The following POLQ variants were observed in gnomAD, a reference collection of about 807,000 sequenced individuals.
The protein encoded by POLQ is epididymis secretory sperm binding protein.
In POLQ, 233 loss-of-function variants were observed where a neutral mutation model predicts 259.2. That is an observed-to-expected ratio of 0.90 (90% CI 0.81 to 1.00). The LOEUF (loss-of-function observed/expected upper bound fraction) is 1.00, where lower values mean the gene tolerates loss of function less well. Ranked by LOEUF, POLQ falls within the 50% of genes least tolerant of loss-of-function variation. The pLI, the probability that POLQ is intolerant of heterozygous loss-of-function variation, is 0.00. For synonymous variants in POLQ, 1,025 were observed against 1,048.8 expected, an observed-to-expected ratio of 0.98 and a Z score of 0.44; for missense variants, 2,871 against 3,051.6, an observed-to-expected ratio of 0.94 and a Z score of 1.39.
Position 121,541,342 on chromosome 3 carries a change from A to AG in POLQ, c.474+6_474+7insC. 6 of 1,581,502 alleles carry AG rather than the reference A, an allele frequency of 3.8e-6. No homozygotes were observed. The highest frequency in any genetic ancestry group is 5.1e-6 in the Non-Finnish European group (6 of 1,166,688). On this transcript the variant is annotated splice_region_variant and intron_variant, in intron 3 of 29. Coordinates refer to ENST00000264233, the MANE Select transcript of POLQ (RefSeq NM_199420.4). ...TTCACTATTTCAAACTTAGTAAAAA[A>AG]CATTACCTGGAGGTAGTATTTCTTC...
intron 25 of POLQ, among the ~76,000 whole-genome samples, chr3:121,450,906 C>T (rs1163713653): frequency 6.6e-6 from 1 of 152,138 alleles, no homozygotes; most frequent in Non-Finnish European, 1.5e-5. Flanking sequence ...TTCCATTCTC[C>T]CGGTCACTTT....
intron 17 of POLQ, among the ~76,000 whole-genome samples, chr3:121,483,865 C>T (rs2047989818): frequency 6.6e-6 from 1 of 151,960 alleles, no homozygotes; most frequent in Non-Finnish European, 1.5e-5. Flanking sequence ...AACAAAATTA[C>T]ATTTCCCAAA....
intron 24 of POLQ, among the ~76,000 whole-genome samples, chr3:121,467,276 A>G (rs2047845894): frequency 6.6e-6 from 1 of 152,184 alleles, no homozygotes; most frequent in African/African-American, 2.4e-5. Context: ...GACGTTAGAA[A>G]ACATGGTTTC....
chr3:121,493,410 T>C (rs193238596), intron 15 of POLQ, 68 bp downstream of exon 15: 4 of 1,163,192 alleles, frequency 3.4e-6, no homozygotes, highest in African/African-American at 1.6e-5. Flanking sequence ...TAATACATTA[T>C]CTATTATTTT....
In POLQ at chr3:121,460,226, T is replaced by C. The variant is rs1405780437; in HGVS notation, c.6976A>G (p.Ile2326Val). 1.9e-6 allele frequency: 3 copies of C among 1,611,078 alleles called. No individual in the cohort carries two copies. The highest frequency in any genetic ancestry group is 2.2e-5 in the East Asian group (1 of 44,860). The change falls in exon 25 of 30, where the codon ATA (isoleucine) becomes GTA (valine). Residue 2326 changes from isoleucine (I) to valine (V), a missense_variant. Ile to Val is a conservative substitution (Grantham distance 29, BLOSUM62 3). Coordinates refer to ENST00000264233, the MANE Select transcript of POLQ (RefSeq NM_199420.4). ...AGCTGAGAGTAGTCAGCAGCCAGTATTGAACCACCTGAAGTAGAAGTGATT... is the reference window on the plus strand; with the variant it reads ...AGCTGAGAGTAGTCAGCAGCCAGTACTGAACCACCTGAAGTAGAAGTGATT... Reference protein sequence around the residue: ...HAFVPFPGGSILAADYSQLEL... With the variant: ...HAFVPFPGGSVLAADYSQLEL...
intron 19 of POLQ, among the ~76,000 whole-genome samples, chr3:121,479,350 A>C (rs79822035): frequency 8.5e-6 from 1 of 117,840 alleles, no homozygotes; most frequent in African/African-American, 3.5e-5. Flanking sequence ...TCATCTCTAC[A>C]AAAAAAAAAA....
chr3:121,467,970 TTGCAGTA>T (rs2047852427), intron 23 of POLQ, among the ~76,000 whole-genome samples: 1 of 151,942 alleles, frequency 6.6e-6, no homozygotes, highest in African/African-American at 2.4e-5. Flanking sequence ...GAGGTGGAGG[TTGCAGTA>T]AGCTGAGATC....
rs4676723 is a variant in POLQ at position 121,496,982 on chromosome 3, G to A, written c.2154-50C>T. ...GGTAAGAGATCCTTCACGTCTACTA[G>A]GCGATACAGTGTGTTGAAAAATGAC... On this transcript the variant is annotated intron_variant, in intron 13 of 29. Coordinates refer to ENST00000264233, the MANE Select transcript of POLQ (RefSeq NM_199420.4). 3 of 1,592,888 alleles carry A rather than the reference G, an allele frequency of 1.9e-6. No individual in the cohort carries two copies. In the East Asian group the frequency reaches 6.7e-5, roughly 36 times the overall value.
At chr3:121,496,729 G>A (rs1234050934) in intron 14 of POLQ, 79 bp downstream of exon 14, 34 of 1,420,858 alleles carry the variant, frequency 2.4e-5, no homozygotes, top group Non-Finnish European at 3.1e-5. Context: ...CAATAAAATG[G>A]AATTTGAAAA....
At chr3:121,494,437 G>T (rs569580087) in intron 14 of POLQ, 4 of 1,536,492 alleles carry the variant, frequency 2.6e-6, no homozygotes, top group Admixed American at 1.7e-5. Context: ...GGCAAGAGAA[G>T]AAGCAGAGGC....
intron 27 of POLQ, among the ~76,000 whole-genome samples, chr3:121,439,778 G>A (rs1255588359): frequency 6.6e-6 from 1 of 152,214 alleles, no homozygotes; most frequent in Non-Finnish European, 1.5e-5. Flanking sequence ...GTAAACACAT[G>A]TTTACATTAA....
intron 6 of POLQ, 148 bp from the exon 7 acceptor site, chr3:121,529,940 GA>G (rs1389199080): frequency 1.3e-5 from 7 of 553,302 alleles, no homozygotes; most frequent in Non-Finnish European, 2.1e-5. Context: ...CAAAAGAAAG[GA>G]AAAAAAGAAG....
rs113081034 is a variant in POLQ, at chr3:121,527,341, T to G, written c.1108+2304A>C. Among the ~76,000 whole-genome samples the G allele has an allele frequency of 1.4e-3, 208 of 152,262 alleles. 3 individuals carry two copies. The highest frequency in any genetic ancestry group is 2.3e-3 in the Admixed American group (35 of 15,292). On this transcript the variant is annotated intron_variant, in intron 7 of 29. Coordinates refer to ENST00000264233, the MANE Select transcript of POLQ (RefSeq NM_199420.4). ...CCTCCCAAAGTGCTGGGATTACAGG[T>G]GTGAACCACCATGCCCGGCCTAATT...
chr3:121,536,537 A>C (rs1023308172), intron 5 of POLQ, among the ~76,000 whole-genome samples: 1 of 152,192 alleles, frequency 6.6e-6, no homozygotes, highest in Non-Finnish European at 1.5e-5. Context: ...CAAATACAGA[A>C]ACTAGATTTT....
chr3:121,450,448 C>T (rs1466344420), intron 25 of POLQ, among the ~76,000 whole-genome samples: 1 of 151,464 alleles, frequency 6.6e-6, no homozygotes. Flanking sequence ...TATACATGTG[C>T]CATGTTGGTG....
intron 13 of POLQ, among the ~76,000 whole-genome samples, chr3:121,497,537 A>C (rs2048134502): frequency 6.6e-6 from 1 of 152,160 alleles, no homozygotes; most frequent in Non-Finnish European, 1.5e-5. Context: ...CCTGGGTTCA[A>C]GCAATTCCCC....
chr3:121,519,359 G>GATATATATATATAT (rs58512042), intron 9 of POLQ, among the ~76,000 whole-genome samples: 43 of 136,692 alleles, frequency 3.1e-4, no homozygotes, highest in African/African-American at 8.3e-4. Flanking sequence ...AACAGTTGAT[G>GATATATATATATAT]ATATATATAT....
Position 121,511,920 on chromosome 3 carries a change from T to G in POLQ, c.1578A>C (p.Glu526Asp). 1 of 1,613,942 alleles carries G rather than the reference T, an allele frequency of 6.2e-7. No homozygotes were observed. Among genetic ancestry groups the G allele is most frequent in the Non-Finnish European group, 8.5e-7 (1 of 1,179,862 alleles). The change falls in exon 10 of 30, where the codon GAA becomes GAC. Residue 526 changes from glutamate to aspartate, a missense_variant. Physicochemically the swap from Glu to Asp is conservative, Grantham distance 45. This residue lies in a region of POLQ where 783 missense variants were observed against 906.2 expected (regional missense o/e 0.86). Transcript: ENST00000264233. ...RSCLQRREGE[E>D]VTGSMIRAIL... Reference sequence around the variant, plus strand: ...TAGCTCGTATCATGCTGCCAGTTACTTCTTCTCCTTCTCGTCTTTGCAGAC... The same window carrying G: ...TAGCTCGTATCATGCTGCCAGTTACGTCTTCTCCTTCTCGTCTTTGCAGAC...
At position 121,476,618 on chromosome 3, in the gene POLQ, C is replaced by T; in HGVS notation, c.6327G>A (p.Lys2109=). ...AGGCCTGGGTCTCAATTGCATCCAG[C>T]TTGGCTTGCATTATATGTTTCTGAC... The part of the protein sequence containing the change: ...CESQKHIMQA[K]LDAIETQAYQ... Residue 2109 remains lysine, a synonymous_variant, in exon 20 of 30, where the codon AAG becomes AAA. Transcript: ENST00000264233. The T allele has an allele frequency of 6.2e-7, 1 of 1,613,988 alleles. No homozygotes were observed. The highest frequency in any genetic ancestry group is 8.5e-7 in the Non-Finnish European group (1 of 1,179,894).
Sources: allele counts gnomAD v4.1 joint callset (sites outside exome capture counted in the v4.1 genomes callset), GRCh38; gene constraint gnomAD v4.1.1; regional missense constraint gnomAD v4.1.1; transcripts MANE v1.5; gene names NCBI Gene and HGNC (gene_info 2026-07-23, HGNC 2026-07-21).